MAP2: variants seen among roughly 807,000 people sequenced by gnomAD.
The protein encoded by MAP2 is microtubule associated protein 2, also known as microtubule-associated protein 2.
A neutral mutation model predicts 137.6 loss-of-function variants in MAP2; 14 were observed. That is an observed-to-expected ratio of 0.10 (90% CI 0.07 to 0.16). MAP2 has a LOEUF of 0.16. Ranked by LOEUF, MAP2 falls within the 10% of genes least tolerant of loss-of-function variation. MAP2 has a pLI of 1.00. For synonymous variants in MAP2, 786 were observed against 782.3 expected, an observed-to-expected ratio of 1.00 and a Z score of -0.08; for missense variants, 2,088 against 2,191.5, an observed-to-expected ratio of 0.95 and a Z score of 0.94.
chr2:209,700,418 T>A (rs1017615853), intron 11 of MAP2, 80 bp downstream of exon 11: 1 of 1,143,966 alleles, frequency 8.7e-7, no homozygotes, highest in Non-Finnish European at 1.3e-6. Flanking sequence ...ACTTTTGATA[T>A]TGTTTAGATA....
At chr2:209,491,165 G>A (rs894690704) in intron 1 of MAP2, among the ~76,000 whole-genome samples, 1 of 152,030 alleles carries the variant, frequency 6.6e-6, no homozygotes, top group African/African-American at 2.4e-5. Context: ...CATAACTACA[G>A]GGAAACCAAA....
chr2:209,702,919 T>C (rs962116099), intron 11 of MAP2, among the ~76,000 whole-genome samples: 4 of 152,120 alleles, frequency 2.6e-5, no homozygotes, highest in African/African-American at 9.6e-5. Flanking sequence ...TTAAATCAAA[T>C]TAATTATTTG....
At chr2:209,583,187 G>A (rs62214978) in intron 3 of MAP2, among the ~76,000 whole-genome samples, 315 of 50,232 alleles carry the variant, frequency 6.3e-3, no homozygotes, top group South Asian at 0.01. Flanking sequence ...CTATCTATCT[G>A]TCTATCCTAT....
intron 4 of MAP2, among the ~76,000 whole-genome samples, chr2:209,630,581 A>G (rs1295844976): frequency 2.0e-5 from 3 of 152,132 alleles, no homozygotes; most frequent in East Asian, 3.9e-4. Context: ...CTCAAAAGCT[A>G]TTAAAAATCT....
At chr2:209,616,454 G>A (rs1007928333) in intron 3 of MAP2, among the ~76,000 whole-genome samples, 4 of 152,100 alleles carry the variant, frequency 2.6e-5, no homozygotes, top group Non-Finnish European at 4.4e-5. Flanking sequence ...AATAAACTAC[G>A]TCATTCATTA....
intron 4 of MAP2, among the ~76,000 whole-genome samples, chr2:209,649,855 G>A (rs953151908): frequency 6.6e-5 from 10 of 152,232 alleles, no homozygotes; most frequent in Admixed American, 1.3e-4. Flanking sequence ...AGTATTAAGC[G>A]AAATCAGTAT....
chr2:209,595,745 C>CAT (rs759795691), intron 3 of MAP2, among the ~76,000 whole-genome samples: 20 of 152,106 alleles, frequency 1.3e-4, no homozygotes, highest in Non-Finnish European at 2.2e-4. Context: ...GAAAATGTGG[C>CAT]ATATATATAC....
chr2:209,732,763 A>G lies in MAP2; in HGVS notation c.*2366A>G, dbSNP rs2075938014. The G allele has an allele frequency of 6.5e-6, 1 of 152,672 alleles. No individual in the cohort carries two copies. The highest frequency in any genetic ancestry group is 2.4e-5 in the African/African-American group (1 of 41,464). The allele number at this position is 152,672 out of a possible 1,614,324, so 9.5% of individuals were successfully genotyped here. A position where few individuals can be genotyped will look rare whatever the true frequency, so the allele number is the denominator to read the frequency against. On this transcript the variant is annotated 3_prime_UTR_variant, in exon 16 of 16. Transcript: ENST00000682079. The stretch of plus-strand genomic sequence containing the variant: ...GTCAGTTTATTACAAATACATGTCA[A>G]AAATAAAGATTATACAAGGCACCAA...
At chr2:209,626,678 C>T (rs2092368940) in intron 4 of MAP2, among the ~76,000 whole-genome samples, 1 of 152,136 alleles carries the variant, frequency 6.6e-6, no homozygotes, top group South Asian at 2.1e-4. Flanking sequence ...TAAAAGTTTA[C>T]ATGAAGGGCA....
In MAP2 at chr2:209,693,095, T is replaced by C; in HGVS notation, c.925T>C (p.Phe309Leu). Reference protein sequence around the residue: ...DDIPKWEGKQFDSPMPSPFQG... With the variant: ...DDIPKWEGKQLDSPMPSPFQG... ...TATCCCAAAATGGGAAGGGAAACAG[T>C]TTGATTCTCCCATGCCAAGTCCCTT... is the stretch of plus-strand genomic sequence containing the variant. Residue 309 changes from phenylalanine to leucine, a missense_variant, in exon 8 of 16, where the codon TTT becomes CTT. By Grantham distance (22) the Phe-to-Leu change is conservative. Transcript: ENST00000682079. 1 of 1,613,388 alleles carries C rather than the reference T, an allele frequency of 6.2e-7. No homozygotes were observed. The highest frequency in any genetic ancestry group is 8.5e-7 in the Non-Finnish European group (1 of 1,179,792).
intron 11 of MAP2, chr2:209,704,620 G>T (rs1466185054): frequency 1.9e-6 from 3 of 1,595,316 alleles, no homozygotes; most frequent in Non-Finnish European, 2.6e-6. Context: ...CAGGGAACAA[G>T]GTAAGGCGGC....
chr2:209,469,730 C>T (rs1161819103), intron 1 of MAP2, among the ~76,000 whole-genome samples: 1 of 152,178 alleles, frequency 6.6e-6, no homozygotes, highest in East Asian at 1.9e-4. Flanking sequence ...GGTTCCTACT[C>T]AGGCTAAGAA....
chr2:209,425,120 A>G (rs1386212738), intron 1 of MAP2, among the ~76,000 whole-genome samples: 1 of 152,012 alleles, frequency 6.6e-6, no homozygotes, highest in East Asian at 1.9e-4. Flanking sequence ...GGGGAGGGGT[A>G]TGGATGGAGT....
intron 3 of MAP2, among the ~76,000 whole-genome samples, chr2:209,588,052 T>C (rs1190668335): frequency 6.6e-6 from 1 of 152,304 alleles, no homozygotes; most frequent in Non-Finnish European, 1.5e-5. Context: ...GTTGTCTACA[T>C]AGAAGATACT....
intron 2 of MAP2, among the ~76,000 whole-genome samples, chr2:209,544,823 G>A (rs1283415112): frequency 6.6e-6 from 1 of 152,138 alleles, no homozygotes; most frequent in Non-Finnish European, 1.5e-5. Flanking sequence ...TTTTTATGGA[G>A]GTTGGAATAG....
At chr2:209,653,070 C>T in intron 4 of MAP2, 72 bp from the exon 5 acceptor site, 1 of 1,237,614 alleles carries the variant, frequency 8.1e-7, no homozygotes, top group Non-Finnish European at 1.1e-6. Flanking sequence ...ACAAATTTTT[C>T]CTATCTTGGT....
intron 1 of MAP2, among the ~76,000 whole-genome samples, chr2:209,492,800 A>G (rs2059285749): frequency 6.6e-6 from 1 of 152,222 alleles, no homozygotes; most frequent in South Asian, 2.1e-4. Context: ...GACACACACA[A>G]ATGGAAAAAC....
Position 209,613,070 on chromosome 2 carries a change from G to A in MAP2, c.-106-11983G>A, listed in dbSNP as rs559409742. On this transcript the variant is annotated intron_variant, in intron 3 of 15. Transcript: ENST00000682079. ...TATTAGATCAGGTTCTCTTACCCCC[G>A]CCGTGCGCATCAGTTGATCTCCAGA... 4.3e-4 allele frequency among the ~76,000 whole-genome samples: 66 copies of A among 152,020 alleles called. No individual in the cohort carries two copies. The East Asian group carries it at 0.011, about 25-fold the overall frequency.
chr2:209,673,433 G>A (rs995523851), intron 5 of MAP2, among the ~76,000 whole-genome samples: 1 of 151,608 alleles, frequency 6.6e-6, no homozygotes, highest in Admixed American at 6.6e-5. Context: ...CAAAAACTAC[G>A]GTTAATTACA....
Sources: allele counts gnomAD v4.1 joint callset (sites outside exome capture counted in the v4.1 genomes callset), GRCh38; gene constraint gnomAD v4.1.1; transcripts MANE v1.5; gene names NCBI Gene and HGNC (gene_info 2026-07-23, HGNC 2026-07-21).